Variants in TRHDE observed in about 807,000 individuals in gnomAD.
TRHDE encodes thyrotropin-releasing hormone-degrading ectoenzyme.
A neutral mutation model predicts 125.7 loss-of-function variants in TRHDE; 72 were observed. That is an observed-to-expected ratio of 0.57 (90% CI 0.47 to 0.70). TRHDE has a LOEUF of 0.70. Among genes scored for constraint, TRHDE ranks in the 30% least tolerant of loss-of-function variants. The pLI, the probability that TRHDE is intolerant of heterozygous loss-of-function variation, is 0.00. For missense variants in TRHDE, 1,110 were observed against 1,327.1 expected (o/e 0.84, Z 2.54); for synonymous variants, 509 against 509.1 (o/e 1.00, Z 0.00).
At chr12:72,224,138 CTATTTATCTATG>C (rs1263229969) in intron 2 of TRHDE, among the ~76,000 whole-genome samples, 8 of 53,112 alleles carry the variant, frequency 1.5e-4, no homozygotes, top group African/African-American at 3.7e-4. Context: ...ATCTATCTAT[CTATTTATCTATG>C]TATGTATGTA....
chr12:72,441,346 G>C (rs1875001747), intron 3 of TRHDE, among the ~76,000 whole-genome samples: 1 of 151,880 alleles, frequency 6.6e-6, no homozygotes, highest in African/African-American at 2.4e-5. Flanking sequence ...TAATAAAATT[G>C]ACTAATAATA....
At chr12:72,241,210 A>C (rs1224472957) in intron 2 of TRHDE, among the ~76,000 whole-genome samples, 1 of 152,184 alleles carries the variant, frequency 6.6e-6, no homozygotes, top group Admixed American at 6.5e-5. Flanking sequence ...CACAAATTTT[A>C]ATAAGTGTAG....
intron 2 of TRHDE, among the ~76,000 whole-genome samples, chr12:72,117,291 A>G (rs1875467561): frequency 6.6e-6 from 1 of 152,114 alleles, no homozygotes; most frequent in African/African-American, 2.4e-5. Context: ...ATTCTTCAGC[A>G]TATCAATATC....
At chr12:72,599,808 G>A (rs549500308) in intron 12 of TRHDE, among the ~76,000 whole-genome samples, 2 of 151,978 alleles carry the variant, frequency 1.3e-5, no homozygotes, top group South Asian at 4.2e-4. Context: ...TGTCCACAAT[G>A]GTGTTTTCAT....
At chr12:72,352,579 T>G (rs181251355) in intron 2 of TRHDE, among the ~76,000 whole-genome samples, 1 of 151,938 alleles carries the variant, frequency 6.6e-6, no homozygotes, top group East Asian at 1.9e-4. Flanking sequence ...ATTATAAGCT[T>G]CCTATATAGA....
chr12:72,597,756 T>TACACAC (rs1276841173), intron 12 of TRHDE, among the ~76,000 whole-genome samples: 8 of 10,646 alleles, frequency 7.5e-4, no homozygotes, highest in Non-Finnish European at 1.5e-3. Context: ...TATATATATA[T>TACACAC]ATGCATACAC....
chr12:72,205,511 A>G (rs1877647446), intron 2 of TRHDE, among the ~76,000 whole-genome samples: 1 of 151,792 alleles, frequency 6.6e-6, no homozygotes, highest in South Asian at 2.1e-4. Context: ...ACAACTCTCC[A>G]TTTCCCTCTT....
intron 15 of TRHDE, among the ~76,000 whole-genome samples, chr12:72,642,767 C>G (rs1874117474): frequency 6.6e-6 from 1 of 152,104 alleles, no homozygotes; most frequent in African/African-American, 2.4e-5. Flanking sequence ...AGGAGGGGCC[C>G]TCTCCTTGTA....
chr12:72,562,936 C>T lies in TRHDE; in HGVS notation c.1938C>T (p.Thr646=). Reference sequence around the variant, plus strand: ...TCCAGATGGGTTATCCTGTTATCACCATCTTGGGAAACACAACAGCAGAAA... The same window carrying T: ...TCCAGATGGGTTATCCTGTTATCACTATCTTGGGAAACACAACAGCAGAAA... ...WTLQMGYPVI[T]ILGNTTAENR... is the part of the protein sequence containing the mutation. Residue 646 remains threonine (T), a synonymous_variant, in exon 9 of 19, where the codon ACC becomes ACT. Coordinates refer to ENST00000261180, the MANE Select transcript of TRHDE (RefSeq NM_013381.3). 1 of 1,610,182 alleles carries T rather than the reference C, an allele frequency of 6.2e-7. No individual in the cohort carries two copies. Among genetic ancestry groups the T allele is most frequent in the East Asian group, 2.2e-5 (1 of 44,624 alleles).
At chr12:72,362,488 G>A (rs1478687315) in intron 2 of TRHDE, among the ~76,000 whole-genome samples, 4 of 152,102 alleles carry the variant, frequency 2.6e-5, no homozygotes, top group Non-Finnish European at 4.4e-5. Context: ...AGTAGGTTGC[G>A]AAATTTTTCT....
chr12:72,187,309 C>A (rs997248046), intron 2 of TRHDE, among the ~76,000 whole-genome samples: 58 of 117,968 alleles, frequency 4.9e-4, no homozygotes, highest in African/African-American at 1.9e-3. Flanking sequence ...CAGAGAAACA[C>A]AACACACACA....
chr12:72,370,181 A>G (rs1226310164), intron 2 of TRHDE, among the ~76,000 whole-genome samples: 1 of 152,154 alleles, frequency 6.6e-6, no homozygotes, highest in Non-Finnish European at 1.5e-5. Flanking sequence ...GTTTTTAAGT[A>G]AAAATGTGAC....
In TRHDE at chr12:72,563,028, T is replaced by C. The variant is rs1175088192; in HGVS notation, c.2030T>C (p.Leu677Pro). 6.3e-7 allele frequency: 1 copy of C among 1,594,378 alleles called. No homozygotes were observed. Among genetic ancestry groups the C allele is most frequent in the Non-Finnish European group, 8.5e-7 (1 of 1,170,160 alleles). Residue 677 changes from leucine to proline, a missense_variant, in exon 9 of 19, where the codon CTT becomes CCT. Around this residue, in one of 5 missense-constraint regions of TRHDE, gnomAD observed 527 missense variants for 651.8 expected, o/e 0.81. Coordinates refer to ENST00000261180, the MANE Select transcript of TRHDE (RefSeq NM_013381.3). ...DISAKTKALK[L>P]QNNSYLWQIP... The stretch of plus-strand genomic sequence containing the variant: ...AGTGCTAAAACTAAAGCACTTAAAC[T>C]TCAGAATAACAGGTATGACATTCTT...
chr12:72,381,058 G>T (rs941587461), intron 3 of TRHDE, among the ~76,000 whole-genome samples: 2 of 152,204 alleles, frequency 1.3e-5, no homozygotes, highest in Non-Finnish European at 2.9e-5. Flanking sequence ...TGTCCCTCAG[G>T]TGCATTTGGT....
At chr12:72,443,720 A>T (rs1472980636) in intron 3 of TRHDE, among the ~76,000 whole-genome samples, 1 of 151,760 alleles carries the variant, frequency 6.6e-6, no homozygotes, top group African/African-American at 2.4e-5. Context: ...GCTGCTATGG[A>T]TCCTTTCTAT....
In TRHDE at chr12:72,652,469, T is replaced by C. The variant is rs1283513661; in HGVS notation, c.2823T>C (p.Asp941=). The C allele has an allele frequency of 6.2e-7, 1 of 1,606,968 alleles. No individual in the cohort carries two copies. Among genetic ancestry groups the C allele is most frequent in the South Asian group, 1.1e-5 (1 of 90,352 alleles). ...TATTGGAAGCCTTAACTTGCAGTGA[T>C]GACAGGAATTTATTAAACAGGTAGG... ...KILLEALTCS[D]DRNLLNRLLN... is the part of the protein sequence containing the mutation. The change falls in exon 16 of 19, where the codon GAT becomes GAC. Residue 941 remains aspartate (D), a synonymous_variant. Coordinates refer to ENST00000261180, the MANE Select transcript of TRHDE (RefSeq NM_013381.3).
intron 2 of TRHDE, among the ~76,000 whole-genome samples, chr12:72,159,600 G>C (rs1048999812): frequency 2.0e-5 from 3 of 152,108 alleles, no homozygotes; most frequent in African/African-American, 7.2e-5. Flanking sequence ...ATCTAACTTT[G>C]GCAAAATACG....
At chr12:72,511,355 G>A (rs1399113335) in intron 6 of TRHDE, among the ~76,000 whole-genome samples, 2 of 152,010 alleles carry the variant, frequency 1.3e-5, no homozygotes, top group African/African-American at 2.4e-5. Flanking sequence ...GTTTAGAAAA[G>A]AACTACTAGC....
At chr12:72,494,503 T>A (rs1483421942) in intron 5 of TRHDE, among the ~76,000 whole-genome samples, 1 of 152,050 alleles carries the variant, frequency 6.6e-6, no homozygotes, top group Non-Finnish European at 1.5e-5. Flanking sequence ...TGGTTGTTTT[T>A]TTTGGTGACA....
Sources: gnomAD v4.1 joint callset for allele counts (sites outside exome capture counted in the v4.1 genomes callset) on GRCh38, gnomAD v4.1.1 for gene constraint, gnomAD v4.1.1 regional missense constraint, MANE v1.5 for transcripts, NCBI Gene and HGNC (gene_info 2026-07-23, HGNC 2026-07-21) for gene names.